Variants in ATP8B4 observed in about 807,000 individuals in gnomAD.
ATP8B4 encodes the protein ATPase phospholipid transporting 8B4 (putative).
In ATP8B4, 133 loss-of-function variants were observed where a neutral mutation model predicts 145.6. That is an observed-to-expected ratio of 0.91 (90% CI 0.79 to 1.05). The LOEUF (loss-of-function observed/expected upper bound fraction) is 1.05. Among genes scored for constraint, ATP8B4 ranks in the 50% least tolerant of loss-of-function variants. ATP8B4 has a pLI of 0.00. For missense variants in ATP8B4, 1,458 were observed against 1,425.2 expected (o/e 1.02, Z -0.37); for synonymous variants, 507 against 492.9 (o/e 1.03, Z -0.38).
chr15:50,146,651 T>C (rs1451986398), intron 1 of ATP8B4, among the ~76,000 whole-genome samples: 1 of 152,226 alleles, frequency 6.6e-6, no homozygotes, highest in Non-Finnish European at 1.5e-5. Flanking sequence ...GACTTTTCCT[T>C]AGTTCAGCTA....
chr15:50,141,614 T>G (rs979894743), intron 1 of ATP8B4, among the ~76,000 whole-genome samples: 2 of 151,980 alleles, frequency 1.3e-5, no homozygotes, highest in Non-Finnish European at 2.9e-5. Flanking sequence ...TGTAAACAGG[T>G]GATTTATACA....
chr15:49,914,484 A>G (rs138452638), intron 20 of ATP8B4, among the ~76,000 whole-genome samples: 2 of 152,180 alleles, frequency 1.3e-5, no homozygotes, highest in African/African-American at 4.8e-5. Flanking sequence ...GTGAGACTAC[A>G]TGAAATGAAA....
intron 20 of ATP8B4, among the ~76,000 whole-genome samples, chr15:49,913,117 C>A (rs1459841137): frequency 7.3e-6 from 1 of 136,144 alleles, no homozygotes; most frequent in African/African-American, 3.5e-5. Flanking sequence ...GGTGACAGAG[C>A]ACCTGGCTTT....
intron 1 of ATP8B4, among the ~76,000 whole-genome samples, chr15:50,139,374 G>A (rs1183141249): frequency 6.6e-6 from 1 of 152,104 alleles, no homozygotes; most frequent in Non-Finnish European, 1.5e-5. Flanking sequence ...CTCATAAGTG[G>A]GAGTTGAAAA....
chr15:50,146,135 C>G (rs888032512), intron 1 of ATP8B4, among the ~76,000 whole-genome samples: 8 of 151,236 alleles, frequency 5.3e-5, no homozygotes, highest in African/African-American at 2.0e-4. Flanking sequence ...ACCTCAGCAT[C>G]CCGAGTAGCT....
At chr15:50,030,705 A>G (rs1013319442) in intron 6 of ATP8B4, among the ~76,000 whole-genome samples, 4 of 152,232 alleles carry the variant, frequency 2.6e-5, no homozygotes, top group African/African-American at 9.7e-5. Context: ...AGGAGCTTTA[A>G]GAAGAGAAAA....
At chr15:50,176,542 TA>T (rs2044765377) in intron 1 of ATP8B4, among the ~76,000 whole-genome samples, 1 of 151,440 alleles carries the variant, frequency 6.6e-6, no homozygotes, top group African/African-American at 2.4e-5. Flanking sequence ...TAAATTAAAT[TA>T]AAAAATAAAA....
At chr15:50,038,096 T>C (rs1329363309) in intron 6 of ATP8B4, among the ~76,000 whole-genome samples, 3 of 152,122 alleles carry the variant, frequency 2.0e-5, no homozygotes, top group East Asian at 1.9e-4. Flanking sequence ...ACATTATCAT[T>C]AGCAAAAAAA....
chr15:50,029,481 C>T (rs923856339), intron 6 of ATP8B4, among the ~76,000 whole-genome samples: 11 of 152,070 alleles, frequency 7.2e-5, no homozygotes, highest in Non-Finnish European at 1.5e-4. Context: ...TCTCTTCTTT[C>T]CTTCTCTTCT....
intron 14 of ATP8B4, among the ~76,000 whole-genome samples, chr15:49,939,808 C>G (rs773447018): frequency 6.6e-6 from 1 of 151,976 alleles, no homozygotes; most frequent in Non-Finnish European, 1.5e-5. Context: ...TAAAAGAAAA[C>G]TACAGGCCAA....
At chr15:50,028,410 A>G (rs757376998) in intron 6 of ATP8B4, among the ~76,000 whole-genome samples, 9 of 152,206 alleles carry the variant, frequency 5.9e-5, no homozygotes, top group Non-Finnish European at 1.2e-4. Flanking sequence ...CCTGAGTTAC[A>G]GCTTCAAAGC....
chr15:50,138,432 CAGA>C (rs2044161033), intron 1 of ATP8B4, among the ~76,000 whole-genome samples: 1 of 111,544 alleles, frequency 9.0e-6, no homozygotes, highest in African/African-American at 4.4e-5. Flanking sequence ...GAGAGATAGA[CAGA>C]CAGATGATAG....
intron 2 of ATP8B4, among the ~76,000 whole-genome samples, chr15:50,079,724 T>C (rs2054419021): frequency 6.6e-6 from 1 of 152,218 alleles, no homozygotes; most frequent in Admixed American, 6.5e-5. Context: ...GTTGATCTGA[T>C]TAAATCCAGG....
chr15:50,016,623 A>G (rs1479889651), intron 6 of ATP8B4, among the ~76,000 whole-genome samples: 1 of 152,160 alleles, frequency 6.6e-6, no homozygotes, highest in Non-Finnish European at 1.5e-5. Context: ...ACAGGCCTTT[A>G]CAATAGGATC....
At chr15:49,978,216 G>C (rs1489251086) in intron 12 of ATP8B4, among the ~76,000 whole-genome samples, 1 of 152,104 alleles carries the variant, frequency 6.6e-6, no homozygotes, top group Non-Finnish European at 1.5e-5. Context: ...ATTCATTTAG[G>C]ACATAAAGGA....
chr15:49,880,816 A>G (rs2035266787), intron 23 of ATP8B4: 1 of 151,206 alleles, frequency 6.6e-6, no homozygotes, highest in Admixed American at 6.6e-5. Context: ...AACAGGCTAA[A>G]AAAAAAAAAA....
chr15:50,001,073 T>C (rs2047853169), intron 8 of ATP8B4, among the ~76,000 whole-genome samples: 2 of 151,984 alleles, frequency 1.3e-5, no homozygotes, highest in Non-Finnish European at 2.9e-5. Context: ...TTTTCTTTTA[T>C]CAGTATTCTT....
intron 1 of ATP8B4, among the ~76,000 whole-genome samples, chr15:50,113,975 T>C (rs1213746943): frequency 6.6e-6 from 1 of 151,652 alleles, no homozygotes; most frequent in Admixed American, 6.6e-5. Context: ...TTGTTGTGAG[T>C]TGTCATGTCC....
intron 14 of ATP8B4, 47 bp from the exon 15 acceptor site, chr15:49,934,229 T>C (rs1332820745): frequency 1.3e-6 from 2 of 1,543,662 alleles, no homozygotes. Flanking sequence ...CTCATTCCAA[T>C]AATTATCTTT....
Sources: gnomAD v4.1 joint callset for allele counts (sites outside exome capture counted in the v4.1 genomes callset) on GRCh38, gnomAD v4.1.1 for gene constraint, MANE v1.5 for transcripts, NCBI Gene and HGNC (gene_info 2026-07-23, HGNC 2026-07-21) for gene names.